Variants in POLQ observed in about 807,000 individuals in gnomAD.
POLQ encodes DNA polymerase theta, also known as epididymis secretory sperm binding protein.
In POLQ, 233 loss-of-function variants were observed where a neutral mutation model predicts 259.2. That is an observed-to-expected ratio of 0.90 (90% CI 0.81 to 1.00). The LOEUF is 1.00. Ranked by LOEUF, POLQ falls within the 50% of genes least tolerant of loss-of-function variation. POLQ has a pLI of 0.00. For synonymous variants in POLQ, 1,025 were observed against 1,048.8 expected, an observed-to-expected ratio of 0.98 and a Z score of 0.44; for missense variants, 2,871 against 3,051.6, an observed-to-expected ratio of 0.94 and a Z score of 1.39.
At chr3:121,473,759 C>T (rs1021832212) in intron 20 of POLQ, among the ~76,000 whole-genome samples, 7 of 128,944 alleles carry the variant, frequency 5.4e-5, no homozygotes, top group Non-Finnish European at 9.5e-5. Context: ...GACAGGATCT[C>T]ACTGTCACCC....
At chr3:121,445,164 A>T (rs939293414) in intron 26 of POLQ, among the ~76,000 whole-genome samples, 8 of 152,186 alleles carry the variant, frequency 5.3e-5, no homozygotes, top group Non-Finnish European at 1.0e-4. Flanking sequence ...TATTTTCCAG[A>T]ACAGTTTCAG....
intron 24 of POLQ, among the ~76,000 whole-genome samples, chr3:121,461,575 A>G (rs967089003): frequency 1.3e-5 from 2 of 151,286 alleles, no homozygotes; most frequent in African/African-American, 4.9e-5. Context: ...TGCTTGAACC[A>G]GGGAGTTGGA....
intron 17 of POLQ, 50 bp downstream of exon 17, chr3:121,484,991 T>A (rs991320233): frequency 2.2e-6 from 3 of 1,335,714 alleles, no homozygotes; most frequent in African/African-American, 2.9e-5. Flanking sequence ...ACTACCCTAA[T>A]GGATGTTACA....
At chr3:121,520,714 T>C (rs759828478) in intron 8 of POLQ, among the ~76,000 whole-genome samples, 1 of 152,172 alleles carries the variant, frequency 6.6e-6, no homozygotes, top group Non-Finnish European at 1.5e-5. Context: ...CATGACTGTG[T>C]TCCAATAAAA....
chr3:121,505,444 T>C (rs957703657), intron 12 of POLQ, among the ~76,000 whole-genome samples: 1 of 152,100 alleles, frequency 6.6e-6, no homozygotes, highest in Non-Finnish European at 1.5e-5. Flanking sequence ...TACCAGAAAG[T>C]TTTTAATTAA....
At position 121,490,354 on chromosome 3, in the gene POLQ, C is replaced by T; in HGVS notation, c.2577G>A (p.Met859Ile). The T allele has an allele frequency of 6.2e-7, 1 of 1,614,244 alleles. No individual in the cohort carries two copies. The highest frequency in any genetic ancestry group is 2.2e-5 in the East Asian group (1 of 44,886). Residue 859 changes from methionine to isoleucine, a missense_variant, in exon 16 of 30, where the codon ATG becomes ATA. By Grantham distance (10) the Met-to-Ile change is conservative. Coordinates refer to ENST00000264233, the MANE Select transcript of POLQ (RefSeq NM_199420.4). ...EEEAVEERRNMRTIWVTGRKG... is the reference protein window; with the variant it reads ...EEEAVEERRNIRTIWVTGRKG... ...TTCTGCCAGTCACCCAGATAGTTCG[C>T]ATATTGCGACGTTCTTCAACTGCTT...
At chr3:121,465,631 A>T (rs2047828617) in intron 24 of POLQ, among the ~76,000 whole-genome samples, 2 of 152,124 alleles carry the variant, frequency 1.3e-5, no homozygotes, top group Non-Finnish European at 2.9e-5. Flanking sequence ...ATTAATAGTG[A>T]TGCTCACATT....
At chr3:121,518,297 T>C (rs1033251276) in intron 9 of POLQ, among the ~76,000 whole-genome samples, 2 of 152,200 alleles carry the variant, frequency 1.3e-5, no homozygotes, top group Non-Finnish European at 2.9e-5. Context: ...AGCATTTCAG[T>C]ACTTTGCTTG....
chr3:121,459,992 AT>A, intron 25 of POLQ, 57 bp downstream of exon 25: 175 of 1,336,756 alleles, frequency 1.3e-4, no homozygotes, highest in South Asian at 2.1e-4. Context: ...ACCATTTTTA[AT>A]TTTTTTTGAG....
chr3:121,490,087 A>G lies in POLQ; in HGVS notation c.2844T>C (p.Tyr948=), dbSNP rs2048054010. The change falls in exon 16 of 30, where the codon TAT becomes TAC. Residue 948 remains tyrosine, a synonymous_variant. Coordinates refer to ENST00000264233, the MANE Select transcript of POLQ (RefSeq NM_199420.4). ...GCACTATATTTGGTGAATGCTTAAT[A>G]TAAGAATCACTAAATATTGTGTTAC... The part of the protein sequence containing the change: ...NKSNTIFSDS[Y]IKHSPNIVQD... 2.5e-6 allele frequency: 4 copies of G among 1,591,208 alleles called. No homozygotes were observed. The highest frequency in any genetic ancestry group is 3.4e-6 in the Non-Finnish European group (4 of 1,166,272).
At chr3:121,528,882 G>A (rs2048391038) in intron 7 of POLQ, among the ~76,000 whole-genome samples, 2 of 152,054 alleles carry the variant, frequency 1.3e-5, no homozygotes, top group South Asian at 4.1e-4. Flanking sequence ...AACCCAGGAG[G>A]CAGAGGTTGC....
At position 121,488,210 on chromosome 3, in the gene POLQ, T is replaced by C; in HGVS notation, c.4721A>G (p.Asp1574Gly). 6.2e-7 allele frequency: 1 copy of C among 1,613,540 alleles called. No individual in the cohort carries two copies. The highest frequency in any genetic ancestry group is 1.1e-5 in the South Asian group (1 of 91,066). ...ATTCTTCTCTTGGACAGGAAATATA[T>C]CCACATTGTCCAAAGCTTCAACCAT... ...VQMVEALDNVDIFPVQEKNHT... is the reference protein window; with the variant it reads ...VQMVEALDNVGIFPVQEKNHT... The change falls in exon 16 of 30, where the codon GAT becomes GGT. Residue 1574 changes from aspartate (D) to glycine (G), a missense_variant. Asp to Gly is a moderately conservative substitution (Grantham distance 94). Around this residue, in one of 3 missense-constraint regions of POLQ, gnomAD observed 2,080 missense variants for 2,126.0 expected, o/e 0.98. Transcript: ENST00000264233.
intron 28 of POLQ, among the ~76,000 whole-genome samples, chr3:121,434,874 T>C (rs2047529632): frequency 6.6e-6 from 1 of 152,154 alleles, no homozygotes; most frequent in African/African-American, 2.4e-5. Context: ...GCCTCCTGGC[T>C]GGGTGTGATG....
At chr3:121,538,392 A>G (rs2048465568) in intron 4 of POLQ, among the ~76,000 whole-genome samples, 1 of 152,046 alleles carries the variant, frequency 6.6e-6, no homozygotes, top group South Asian at 2.1e-4. Flanking sequence ...TCATAACAAC[A>G]TAGTTTCCAC....
At chr3:121,544,956 G>A in intron 1 of POLQ, 50 bp from the exon 2 acceptor site, 2 of 1,172,194 alleles carry the variant, frequency 1.7e-6, no homozygotes, top group Non-Finnish European at 2.4e-6. Flanking sequence ...TAATATATGA[G>A]TTTTACAGTT....
intron 10 of POLQ, 138 bp from the exon 11 acceptor site, chr3:121,510,381 T>C: frequency 3.2e-6 from 2 of 624,414 alleles, no homozygotes; most frequent in South Asian, 1.9e-5. Flanking sequence ...ATGGAGACCA[T>C]CCTGGTTAAC....
chr3:121,440,921 A>G (rs1005888033), intron 26 of POLQ, among the ~76,000 whole-genome samples: 1 of 152,072 alleles, frequency 6.6e-6, no homozygotes, highest in Non-Finnish European at 1.5e-5. Context: ...AACATGACCC[A>G]CTTCTTAAAA....
At chr3:121,464,313 G>A (rs926056124) in intron 24 of POLQ, among the ~76,000 whole-genome samples, 1 of 152,040 alleles carries the variant, frequency 6.6e-6, no homozygotes, top group Non-Finnish European at 1.5e-5. Flanking sequence ...GATCACTCCT[G>A]GAGGAGCCCA....
chr3:121,461,645 G>A (rs182326453), intron 24 of POLQ, among the ~76,000 whole-genome samples: 4 of 46,756 alleles, frequency 8.6e-5, no homozygotes, highest in Admixed American at 2.8e-4. Context: ...GTGAGACTCC[G>A]TCTCAAAAAA....
Sources: allele counts gnomAD v4.1 joint callset (sites outside exome capture counted in the v4.1 genomes callset), GRCh38; gene constraint gnomAD v4.1.1; regional missense constraint gnomAD v4.1.1; transcripts MANE v1.5; gene names NCBI Gene and HGNC (gene_info 2026-07-23, HGNC 2026-07-21).